The following ANKMY1 variants were observed in gnomAD, a reference collection of about 807,000 sequenced individuals.
The protein encoded by ANKMY1 is ankyrin repeat and MYND domain containing 1, also known as ankyrin repeat and MYND domain-containing protein 1.
ANKMY1 carries 98 observed loss-of-function variants against 102.0 expected under a neutral mutation model. That is an observed-to-expected ratio of 0.96 (90% confidence interval 0.82 to 1.14). ANKMY1 has a LOEUF of 1.14. ANKMY1 is among the 50% of genes most tolerant of loss of function. ANKMY1 has a pLI of 0.00. For synonymous variants in ANKMY1, 582 were observed against 559.9 expected, an observed-to-expected ratio of 1.04 and a Z score of -0.56; for missense variants, 1,330 against 1,347.6, an observed-to-expected ratio of 0.99 and a Z score of 0.20.
intron 10 of ANKMY1, 22 bp from the exon 11 acceptor site, chr2:240,512,023 G>T: frequency 6.6e-7 from 1 of 1,519,200 alleles, no homozygotes; most frequent in East Asian, 2.6e-5. Flanking sequence ...GGAGGGCTCC[G>T]CCAGCGCCCA....
chr2:240,524,412 A>C, intron 7 of ANKMY1, 31 bp from the exon 8 acceptor site: 1 of 1,568,154 alleles, frequency 6.4e-7, no homozygotes, highest in Non-Finnish European at 8.6e-7. Flanking sequence ...GTGTCATTAG[A>C]ATAAATTGGA....
chr2:240,489,548 T>A (rs2076414070), intron 15 of ANKMY1, among the ~76,000 whole-genome samples: 1 of 152,228 alleles, frequency 6.6e-6, no homozygotes, highest in Non-Finnish European at 1.5e-5. Context: ...ATGGTTTTTG[T>A]CCTTCATTCT....
chr2:240,528,089 C>T (rs902987038), intron 5 of ANKMY1, among the ~76,000 whole-genome samples: 3 of 152,064 alleles, frequency 2.0e-5, no homozygotes, highest in Admixed American at 1.3e-4. Context: ...GAGTTCAAGA[C>T]CAGCCTGGCC....
At chr2:240,545,168 G>C (rs972971150) in intron 4 of ANKMY1, among the ~76,000 whole-genome samples, 2 of 152,210 alleles carry the variant, frequency 1.3e-5, no homozygotes, top group Non-Finnish European at 2.9e-5. Context: ...ATCTGAGAAC[G>C]GGCAGACTGC....
At chr2:240,500,426 T>C in intron 14 of ANKMY1, 26 bp downstream of exon 14, 1 of 1,604,226 alleles carries the variant, frequency 6.2e-7, no homozygotes, top group Non-Finnish European at 8.5e-7. Flanking sequence ...CTCCCCCTCC[T>C]TCCTCATGGG....
downstream of ANKMY1, among the ~76,000 whole-genome samples, chr2:240,477,816 A>G (rs191598023): frequency 4.6e-5 from 7 of 152,314 alleles, no homozygotes; most frequent in Admixed American, 4.6e-4. Context: ...ATAGATGTTC[A>G]TGGCCTAGTT....
chr2:240,542,559 C>T (rs1367150407), intron 4 of ANKMY1, among the ~76,000 whole-genome samples: 1 of 151,816 alleles, frequency 6.6e-6, no homozygotes, highest in Non-Finnish European at 1.5e-5. Flanking sequence ...AATTTTGGTC[C>T]ACAGCCTTCA....
At chr2:240,479,704 G>T in intron 17 of ANKMY1, 49 bp from the exon 18 acceptor site, 3 of 1,574,582 alleles carry the variant, frequency 1.9e-6, no homozygotes, top group Non-Finnish European at 1.7e-6. Flanking sequence ...GCTGGAGCTG[G>T]CCTCCCCCGA....
intron 15 of ANKMY1, among the ~76,000 whole-genome samples, chr2:240,494,068 T>A (rs1346148884): frequency 1.3e-5 from 2 of 151,566 alleles, no homozygotes; most frequent in African/African-American, 4.9e-5. Context: ...AGCAGGGAGG[T>A]TAGGTCCAAC....
chr2:240,555,159 C>A, intron 2 of ANKMY1, 104 bp from the exon 3 acceptor site: 1 of 1,268,722 alleles, frequency 7.9e-7, no homozygotes, highest in Middle Eastern at 2.3e-4. Context: ...CATTTCATCC[C>A]ACAGTCCCGG....
chr2:240,544,927 G>A (rs1196008442), intron 4 of ANKMY1, among the ~76,000 whole-genome samples: 2 of 152,242 alleles, frequency 1.3e-5, no homozygotes, highest in African/African-American at 2.4e-5. Flanking sequence ...CAGCGAGGCT[G>A]GGGGAGGGGC....
At position 240,520,272 on chromosome 2, in the gene ANKMY1, C is replaced by G; in HGVS notation, c.2004+90G>C. On this transcript the variant is annotated intron_variant, in intron 9 of 17. Coordinates refer to ENST00000401804, the MANE Select transcript of ANKMY1 (RefSeq NM_001282771.3). This position sits in a 1 kb window ranked among gnomAD's most constrained non-coding sequence, Gnocchi z 4.8. ...GTCGCCTGCAAGAGCCCACCCCTCTCTTCCGCGCCTAGGTGGAGCGAGGAG... is the reference window on the plus strand; with the variant it reads ...GTCGCCTGCAAGAGCCCACCCCTCTGTTCCGCGCCTAGGTGGAGCGAGGAG... The G allele has an allele frequency of 6.7e-7, 1 of 1,490,516 alleles. No homozygotes were observed. The highest frequency in any genetic ancestry group is 1.3e-5 in the South Asian group (1 of 77,072). The allele number at this position is 1,490,516 out of a possible 1,614,324, so 92.3% of individuals were successfully genotyped here.
At chr2:240,557,152 G>T in intron 2 of ANKMY1, 38 bp downstream of exon 2, 3 of 1,416,594 alleles carry the variant, frequency 2.1e-6, no homozygotes, top group Non-Finnish European at 2.8e-6. Flanking sequence ...TGGGCCCCAG[G>T]TCAGGGTCGG....
At chr2:240,478,120 G>A (rs1430370347), downstream of ANKMY1, among the ~76,000 whole-genome samples, 4 of 152,190 alleles carry the variant, frequency 2.6e-5, no homozygotes, top group East Asian at 1.9e-4. Context: ...CCTTCCTCCC[G>A]CTCCAGCCAT....
chr2:240,553,238 C>G (rs1028385598), intron 3 of ANKMY1, 181 bp from the exon 4 acceptor site: 2 of 685,166 alleles, frequency 2.9e-6, no homozygotes, highest in African/African-American at 3.6e-5. Flanking sequence ...AGAGGGGTTA[C>G]CAGGCAGTCA....
intron 9 of ANKMY1, among the ~76,000 whole-genome samples, chr2:240,517,378 G>A (rs2081372806): frequency 6.6e-6 from 1 of 152,214 alleles, no homozygotes; most frequent in Admixed American, 6.5e-5. Flanking sequence ...GGGACCTTGA[G>A]AAGACTGGTT....
chr2:240,560,706 C>A, upstream of ANKMY1: 1 of 1,526,768 alleles, frequency 6.5e-7, no homozygotes, highest in Non-Finnish European at 8.7e-7. Flanking sequence ...AGAAGCTGGG[C>A]GCCGCGGGGC....
intron 4 of ANKMY1, among the ~76,000 whole-genome samples, chr2:240,549,216 C>A (rs1386708429): frequency 7.3e-5 from 11 of 151,210 alleles, no homozygotes; most frequent in Non-Finnish European, 1.0e-4. Flanking sequence ...CGCCGCATAT[C>A]TACAACTATC....
chr2:240,522,674 C>G (rs973880033), intron 8 of ANKMY1: 6 of 152,252 alleles, frequency 3.9e-5, no homozygotes, highest in Non-Finnish European at 8.8e-5. Flanking sequence ...CTTCACCCAC[C>G]TGGCAATGGT....
Sources: allele counts gnomAD v4.1 joint callset (sites outside exome capture counted in the v4.1 genomes callset), GRCh38; gene constraint gnomAD v4.1.1; non-coding constraint Gnocchi (gnomAD v3.1); transcripts MANE v1.5; gene names NCBI Gene and HGNC (gene_info 2026-07-23, HGNC 2026-07-21).